ARMC8: variants seen among roughly 807,000 people sequenced by gnomAD.
ARMC8 encodes armadillo repeat containing 8.
ARMC8 carries 20 observed loss-of-function variants against 99.3 expected under a neutral mutation model. That is an observed-to-expected ratio of 0.20 (90% CI 0.14 to 0.29). The LOEUF is 0.29. ARMC8 is among the 10% of genes least tolerant of loss of function. The probability of loss-of-function intolerance (pLI) is 1.00; values close to 1 mark genes in which losing one functional copy is unlikely to be tolerated. For missense variants in ARMC8, 569 were observed against 809.5 expected, an observed-to-expected ratio of 0.70 and a Z score of 3.60; for synonymous variants, 263 against 278.3, an observed-to-expected ratio of 0.95 and a Z score of 0.55.
intron 12 of ARMC8, among the ~76,000 whole-genome samples, chr3:138,260,063 T>C (rs1429279108): frequency 1.3e-5 from 2 of 152,214 alleles, no homozygotes; most frequent in African/African-American, 4.8e-5. Flanking sequence ...GGGCTTTCTC[T>C]TCCTCACCGT....
intron 21 of ARMC8, among the ~76,000 whole-genome samples, chr3:138,292,295 T>C (rs1577065970): frequency 6.6e-6 from 1 of 152,112 alleles, no homozygotes; most frequent in South Asian, 2.1e-4. Flanking sequence ...CCACCTCGGC[T>C]TCCCAAAGTG....
chr3:138,279,655 A>G (rs2049680337), intron 18 of ARMC8, among the ~76,000 whole-genome samples: 1 of 152,230 alleles, frequency 6.6e-6, no homozygotes, highest in Non-Finnish European at 1.5e-5. Context: ...ACCAGTTGGA[A>G]TCATCTGGAT....
intron 14 of ARMC8, among the ~76,000 whole-genome samples, 169 bp from the exon 15 acceptor site, chr3:138,266,986 G>A (rs2048344193): frequency 6.6e-6 from 1 of 152,178 alleles, no homozygotes; most frequent in Non-Finnish European, 1.5e-5. Context: ...CATAATTATA[G>A]CACTAGGAAA....
At chr3:138,237,724 G>T in intron 9 of ARMC8, 152 bp downstream of exon 9, 1 of 618,986 alleles carries the variant, frequency 1.6e-6, no homozygotes, top group Non-Finnish European at 2.8e-6. Context: ...TTTCTTAAAT[G>T]GATGTGAGTT....
chr3:138,276,735 T>G (rs927127841), intron 18 of ARMC8, among the ~76,000 whole-genome samples: 2 of 152,116 alleles, frequency 1.3e-5, no homozygotes, highest in African/African-American at 4.8e-5. Context: ...CTGAAAACTA[T>G]AAAAACACTG....
chr3:138,293,204 G>GC (rs2051141226), intron 21 of ARMC8, among the ~76,000 whole-genome samples: 1 of 152,168 alleles, frequency 6.6e-6, no homozygotes, highest in Admixed American at 6.5e-5. Flanking sequence ...CACAGGACAG[G>GC]CTAGGCCTCT....
chr3:138,239,321 C>A, intron 9 of ARMC8, 147 bp from the exon 10 acceptor site: 1 of 561,778 alleles, frequency 1.8e-6, no homozygotes, highest in Non-Finnish European at 3.1e-6. Flanking sequence ...ACTGAACCTC[C>A]GAAAAGCGAA....
intron 1 of ARMC8, among the ~76,000 whole-genome samples, chr3:138,205,605 G>A (rs568124014): frequency 5.9e-5 from 9 of 152,070 alleles, no homozygotes; most frequent in African/African-American, 1.7e-4. Flanking sequence ...TTCTCCACAC[G>A]TGTCTGTTCC....
intron 17 of ARMC8, 138 bp downstream of exon 17, chr3:138,273,254 TTGA>T: frequency 1.0e-6 from 1 of 960,324 alleles, no homozygotes; most frequent in Admixed American, 2.7e-5. Flanking sequence ...AAACAAGGAG[TTGA>T]TGTCTAAACC....
chr3:138,289,576 AAGG>A (rs1168766871), intron 20 of ARMC8, among the ~76,000 whole-genome samples: 1 of 152,178 alleles, frequency 6.6e-6, no homozygotes, highest in Non-Finnish European at 1.5e-5. Context: ...GCTAGTCTGT[AAGG>A]AGGCCTGTAT....
Position 138,229,160 on chromosome 3 carries a change from ATATATATATATATATATATATATG to A in ARMC8, c.528+156_528+179del, listed in dbSNP as rs1460631039. 2.3e-3 allele frequency: 164 copies of A among 70,914 alleles called. 3 individuals carry two copies. The East Asian group carries it at 0.035, about 15-fold the overall frequency. 4.4% of individuals were successfully genotyped at this position (70,914 alleles called of 1,614,324 possible). The stretch of plus-strand genomic sequence containing the variant: ...TATATATATATATATATATATATAT[ATATATATATATATATATATATATG>A]TATATGTATATGTATATGTATATAT... On this transcript the variant is annotated intron_variant, in intron 6 of 21. Coordinates refer to ENST00000469044, the MANE Select transcript of ARMC8 (RefSeq NM_001363941.2).
At position 138,246,622 on chromosome 3, in the gene ARMC8, TGGACTGAAAG is replaced by T. The variant is rs561058259; in HGVS notation, c.1134+1441_1134+1450del. On this transcript the variant is annotated intron_variant, in intron 12 of 21. Transcript: ENST00000469044. ...CTTAAAGCTCTAAAAAACCATCTCA[TGGACTGAAAG>T]GTAGATAGACAGATGGACCACAATG... The T allele has an allele frequency of 1.2e-4, 116 of 985,786 alleles. 1 individual carries two copies. In the East Asian group the frequency reaches 6.5e-3, roughly 55 times the overall value. 61.1% of individuals were successfully genotyped at this position (985,786 alleles called of 1,614,324 possible). A position where few individuals can be genotyped will look rare whatever the true frequency, so the allele number is the denominator to read the frequency against.
At chr3:138,223,333 A>G in intron 3 of ARMC8, 56 bp from the exon 4 acceptor site, 1 of 1,570,158 alleles carries the variant, frequency 6.4e-7, no homozygotes, top group Non-Finnish European at 8.7e-7. Context: ...TTTTGGTCAC[A>G]TTGAGTCTTG....
Position 138,209,891 on chromosome 3 carries a change from C to T in ARMC8, c.120C>T (p.Val40=). The part of the protein sequence containing the change: ...DPDPQKVLQG[V]IDMKNAVIGN... ...ATCCCCAGAAAGTTCTACAAGGTGT[C>T]ATGTAAGTAGTATGTATTTAAGAGT... The change falls in exon 2 of 22, where the codon GTC becomes GTT. Residue 40 remains valine (V), a splice_region_variant and synonymous_variant. Coordinates refer to ENST00000469044, the MANE Select transcript of ARMC8 (RefSeq NM_001363941.2). 1 of 1,611,704 alleles carries T rather than the reference C, an allele frequency of 6.2e-7. No homozygotes were observed. The highest frequency in any genetic ancestry group is 8.5e-7 in the Non-Finnish European group (1 of 1,177,918).
At chr3:138,224,106 G>T (rs945324737) in intron 5 of ARMC8, among the ~76,000 whole-genome samples, 12 of 151,752 alleles carry the variant, frequency 7.9e-5, no homozygotes, top group African/African-American at 2.7e-4. Flanking sequence ...TTACAGGCGC[G>T]TGCCACCACA....
intron 13 of ARMC8, 103 bp downstream of exon 13, chr3:138,263,924 A>G (rs2048001435): frequency 8.6e-6 from 10 of 1,164,818 alleles, no homozygotes; most frequent in South Asian, 2.5e-5. Context: ...ATGTTCCTCA[A>G]AAATCTGCTC....
At chr3:138,187,755 G>T (rs879697252) in intron 1 of ARMC8, 156 bp downstream of exon 1, 4 of 805,146 alleles carry the variant, frequency 5.0e-6, no homozygotes, top group Non-Finnish European at 7.7e-6. Context: ...GGAGAGGCGG[G>T]ATAGACGGGC....
chr3:138,228,812 G>C, intron 5 of ARMC8, 106 bp from the exon 6 acceptor site: 1 of 683,912 alleles, frequency 1.5e-6, no homozygotes, highest in South Asian at 1.5e-5. Flanking sequence ...TTGATTGACT[G>C]TCATTAAGAT....
intron 12 of ARMC8, 143 bp downstream of exon 12, chr3:138,245,326 G>T: frequency 6.5e-7 from 1 of 1,532,840 alleles, no homozygotes; most frequent in South Asian, 1.3e-5. Flanking sequence ...ATTGAAGAAT[G>T]AATGGGACCC....
Sources: gnomAD v4.1 joint callset for allele counts (sites outside exome capture counted in the v4.1 genomes callset) on GRCh38, gnomAD v4.1.1 for gene constraint, MANE v1.5 for transcripts, NCBI Gene and HGNC (gene_info 2026-07-23, HGNC 2026-07-21) for gene names.